Variants in BTBD9 observed in about 807,000 individuals in gnomAD.
The protein encoded by BTBD9 is BTB/POZ domain-containing protein 9.
BTBD9 carries 49 observed loss-of-function variants against 64.3 expected under a neutral mutation model. That is an observed-to-expected ratio of 0.76 (90% CI 0.61 to 0.97). The LOEUF (loss-of-function observed/expected upper bound fraction) is 0.97, where lower values mean the gene tolerates loss of function less well. Among genes scored for constraint, BTBD9 ranks in the 50% least tolerant of loss-of-function variants. The pLI, the probability that BTBD9 is intolerant of heterozygous loss-of-function variation, is 0.00. For synonymous variants in BTBD9, 260 were observed against 274.7 expected, an observed-to-expected ratio of 0.95 and a Z score of 0.53; for missense variants, 598 against 762.1, an observed-to-expected ratio of 0.78 and a Z score of 2.53.
At chr6:38,395,511 G>A (rs1333139069) in intron 6 of BTBD9, among the ~76,000 whole-genome samples, 1 of 152,164 alleles carries the variant, frequency 6.6e-6, no homozygotes, top group Non-Finnish European at 1.5e-5. Flanking sequence ...CTCACCAGAT[G>A]CCAAAATTGT....
chr6:38,432,151 T>C (rs1768470355), intron 6 of BTBD9, among the ~76,000 whole-genome samples: 1 of 152,024 alleles, frequency 6.6e-6, no homozygotes, highest in African/African-American at 2.4e-5. Flanking sequence ...GCACAAGCTT[T>C]CTTGCCCTTC....
intron 6 of BTBD9, among the ~76,000 whole-genome samples, chr6:38,422,968 TA>T: frequency 6.6e-6 from 1 of 151,998 alleles, no homozygotes; most frequent in Non-Finnish European, 1.5e-5. Context: ...TATTTAAATA[TA>T]TATTTTTTAA....
At chr6:38,596,757 C>A (rs922141228) in intron 2 of BTBD9, among the ~76,000 whole-genome samples, 1 of 146,488 alleles carries the variant, frequency 6.8e-6, no homozygotes, top group Non-Finnish European at 1.5e-5. Context: ...GCCGAGATCG[C>A]GCCACTGCAC....
At chr6:38,544,431 G>A (rs1467530228) in intron 6 of BTBD9, among the ~76,000 whole-genome samples, 2 of 152,032 alleles carry the variant, frequency 1.3e-5, no homozygotes, top group Non-Finnish European at 2.9e-5. Flanking sequence ...GTGTATGTGT[G>A]TATATGTATG....
intron 6 of BTBD9, among the ~76,000 whole-genome samples, chr6:38,374,296 T>TATACATATATATATATATATATATAC (rs1491482634): frequency 5.7e-5 from 4 of 70,650 alleles, no homozygotes; most frequent in Non-Finnish European, 9.5e-5. Flanking sequence ...TATATATATA[T>TATACATATATATATATATATATATAC]GTATATATAT....
At chr6:38,299,768 G>C (rs1234205710) in intron 7 of BTBD9, among the ~76,000 whole-genome samples, 1 of 152,184 alleles carries the variant, frequency 6.6e-6, no homozygotes, top group African/African-American at 2.4e-5. Flanking sequence ...TCCTTTGTCA[G>C]ATGAGTAGGT....
At chr6:38,373,584 T>TG (rs566993763) in intron 6 of BTBD9, among the ~76,000 whole-genome samples, 21 of 152,052 alleles carry the variant, frequency 1.4e-4, no homozygotes, top group Non-Finnish European at 2.8e-4. Flanking sequence ...CAGGCTGGAG[T>TG]GTAGTAGCAT....
intron 9 of BTBD9, among the ~76,000 whole-genome samples, chr6:38,255,582 TCTG>T (rs1438531137): frequency 2.0e-5 from 3 of 152,194 alleles, no homozygotes; most frequent in Non-Finnish European, 4.4e-5. Context: ...CCTCCTATCT[TCTG>T]CTGCAAGCAG....
At chr6:38,375,747 C>A (rs1765653544) in intron 6 of BTBD9, among the ~76,000 whole-genome samples, 2 of 152,116 alleles carry the variant, frequency 1.3e-5, no homozygotes, top group Non-Finnish European at 2.9e-5. Context: ...ACAAACACTG[C>A]ATACTGTGCA....
intron 6 of BTBD9, among the ~76,000 whole-genome samples, chr6:38,551,541 G>A (rs896044549): frequency 6.6e-6 from 1 of 152,170 alleles, no homozygotes; most frequent in Non-Finnish European, 1.5e-5. Flanking sequence ...CTCCTACAAA[G>A]AAGCCACTAT....
intron 6 of BTBD9, among the ~76,000 whole-genome samples, chr6:38,549,865 T>G (rs1043540249): frequency 1.3e-5 from 2 of 152,266 alleles, no homozygotes; most frequent in Admixed American, 1.3e-4. Context: ...CCAAATCCAG[T>G]CATCAATCAT....
chr6:38,257,063 C>CTTTTTTTTTT (rs745545678), intron 8 of BTBD9, among the ~76,000 whole-genome samples: 8 of 111,382 alleles, frequency 7.2e-5, no homozygotes, highest in African/African-American at 2.7e-4. Context: ...TTGCACACTT[C>CTTTTTTTTTT]TTTTTTTTTT....
rs1766804374 is a variant in BTBD9, at chr6:38,171,887, AATAATAAT to A, written c.*3090_*3097del. On this transcript the variant is annotated 3_prime_UTR_variant, in exon 11 of 11. Transcript: ENST00000481247. ...AAAAAAAAAAAAAAAAAAAAATAATAATAATAATAATAATAATAATAATGAAAAGTGAA... is the reference window on the plus strand; with the variant it reads ...AAAAAAAAAAAAAAAAAAAAATAATAAATAATAATAATAATGAAAAGTGAA... The A allele has an allele frequency of 8.0e-6, 1 of 125,380 alleles. No individual in the cohort carries two copies. Among genetic ancestry groups the A allele is most frequent in the African/African-American group, 3.2e-5 (1 of 31,162 alleles). 7.8% of individuals were successfully genotyped at this position (125,380 alleles called of 1,614,324 possible). A position where few individuals can be genotyped will look rare whatever the true frequency, so the allele number is the denominator to read the frequency against.
chr6:38,354,759 A>G (rs1211508373), intron 6 of BTBD9, among the ~76,000 whole-genome samples: 1 of 152,172 alleles, frequency 6.6e-6, no homozygotes, highest in Non-Finnish European at 1.5e-5. Flanking sequence ...TTTACTTAGC[A>G]TGCAATTTGA....
At position 38,351,086 on chromosome 6, in the gene BTBD9, A is replaced by G. The variant is rs539647002; in HGVS notation, c.1155-5993T>C. The stretch of plus-strand genomic sequence containing the variant: ...AAACAAGTTTACTGCCAGAATGACA[A>G]AAAGCTTCTAGAAAAGCATGTTGCA... On this transcript the variant is annotated intron_variant, in intron 6 of 10. Transcript: ENST00000481247. Among the ~76,000 whole-genome samples the G allele has an allele frequency of 2.0e-5, 3 of 152,366 alleles. No individual in the cohort carries two copies. In the East Asian group the frequency reaches 5.8e-4, roughly 29 times the overall value.
At chr6:38,493,578 T>C (rs1771798119) in intron 6 of BTBD9, among the ~76,000 whole-genome samples, 1 of 152,206 alleles carries the variant, frequency 6.6e-6, no homozygotes, top group African/African-American at 2.4e-5. Context: ...CATTTTGGAA[T>C]AATAAAGTGA....
At chr6:38,613,294 G>C (rs1777671997) in intron 1 of BTBD9, among the ~76,000 whole-genome samples, 1 of 152,124 alleles carries the variant, frequency 6.6e-6, no homozygotes, top group African/African-American at 2.4e-5. Flanking sequence ...TCTTAGGAAA[G>C]GCAATAAAGA....
chr6:38,172,707 T>C lies in BTBD9; in HGVS notation c.*2278A>G, dbSNP rs45519435. The C allele has an allele frequency of 2.4e-3, 364 of 152,484 alleles. 1 individual carries two copies. Among genetic ancestry groups the C allele is most frequent in the Non-Finnish European group, 4.0e-3 (273 of 68,152 alleles). The allele number at this position is 152,484 out of a possible 1,614,324, so 9.4% of individuals were successfully genotyped here. A position where few individuals can be genotyped will look rare whatever the true frequency, so the allele number is the denominator to read the frequency against. The stretch of plus-strand genomic sequence containing the variant: ...CCCCATACTTCTCTTTATCTGATGA[T>C]AAGGGGCATCTTTAAAGTGCTAGAA... On this transcript the variant is annotated 3_prime_UTR_variant, in exon 11 of 11. Transcript: ENST00000481247.
Position 38,375,939 on chromosome 6 carries a change from G to GA in BTBD9, c.1155-30847dup, listed in dbSNP as rs1341900940. 4.2e-3 allele frequency among the ~76,000 whole-genome samples: 290 copies of GA among 68,760 alleles called. 4 individuals are homozygous for GA. In the East Asian group the frequency reaches 0.075, roughly 18 times the overall value. The allele number at this position is 68,760 out of a possible 152,430, so 45.1% of individuals were successfully genotyped here. A position where few individuals can be genotyped will look rare whatever the true frequency, so the allele number is the denominator to read the frequency against. On this transcript the variant is annotated intron_variant, in intron 6 of 10. Coordinates refer to ENST00000481247, the MANE Select transcript of BTBD9 (RefSeq NM_001099272.2). ...AGAAAGAAAGAAAGAAAGAAAGAAA[G>GA]AAGGAAAGAAGGAAAGAAAGAAAGA...
Sources: gnomAD v4.1 joint callset for allele counts (sites outside exome capture counted in the v4.1 genomes callset) on GRCh38, gnomAD v4.1.1 for gene constraint, MANE v1.5 for transcripts, NCBI Gene and HGNC (gene_info 2026-07-23, HGNC 2026-07-21) for gene names.